LYST: variants seen among roughly 807,000 people sequenced by gnomAD.
The protein encoded by LYST is lysosomal-trafficking regulator.
LYST carries 192 observed loss-of-function variants against 413.6 expected under a neutral mutation model. The ratio of observed to expected loss-of-function variants is 0.46; its 90% CI spans 0.41 to 0.52. The LOEUF (loss-of-function observed/expected upper bound fraction) is 0.52, where lower values mean the gene tolerates loss of function less well. LYST is among the 20% of genes least tolerant of loss of function. LYST has a pLI of 0.00. For missense variants in LYST, 3,815 were observed against 4,499.9 expected (o/e 0.85, Z 4.35); for synonymous variants, 1,525 against 1,567.3 (o/e 0.97, Z 0.64).
chr1:235,807,871 AG>A (rs1673042380), intron 5 of LYST, among the ~76,000 whole-genome samples: 1 of 152,174 alleles, frequency 6.6e-6, no homozygotes, highest in African/African-American at 2.4e-5. Flanking sequence ...TAATCCCATT[AG>A]TGCCTCTGCC....
Position 235,802,995 on chromosome 1 carries a change from A to G in LYST, c.3625T>C (p.Cys1209Arg), listed in dbSNP as rs1336490854. The change falls in exon 8 of 53, where the codon TGT (cysteine) becomes CGT (arginine). Residue 1209 changes from cysteine to arginine, a missense_variant. Coordinates refer to ENST00000389793, the MANE Select transcript of LYST (RefSeq NM_000081.4). ...TCAACTAAAAGTTTAAAACTACAAC[A>G]CTGAGAATCCTCAGCTTCTTCTGAA... is the stretch of plus-strand genomic sequence containing the variant. The part of the protein sequence containing the change: ...DFSEEAEDSQ[C>R]CSFKLLVEEE... 6.2e-7 allele frequency: 1 copy of G among 1,613,166 alleles called. No homozygotes were observed. Among genetic ancestry groups the G allele is most frequent in the African/African-American group, 1.3e-5 (1 of 74,892 alleles).
upstream of LYST, among the ~76,000 whole-genome samples, chr1:235,871,353 G>A (rs1680914398): frequency 6.6e-6 from 1 of 152,222 alleles, no homozygotes; most frequent in African/African-American, 2.4e-5. Context: ...CAAACCTGCT[G>A]TGTTACATTC....
chr1:235,792,367 T>A (rs1459005076), intron 11 of LYST, among the ~76,000 whole-genome samples: 1 of 151,918 alleles, frequency 6.6e-6, no homozygotes, highest in Non-Finnish European at 1.5e-5. Flanking sequence ...CAGGCTGGAG[T>A]GCAGTTGCAC....
chr1:235,676,533 T>C (rs1274669588), intron 50 of LYST, among the ~76,000 whole-genome samples: 1 of 152,216 alleles, frequency 6.6e-6, no homozygotes, highest in Non-Finnish European at 1.5e-5. Context: ...AAAGTAACTG[T>C]GGAATGATCT....
chr1:235,665,560 C>T (rs1443491219), intron 50 of LYST, among the ~76,000 whole-genome samples: 4 of 137,108 alleles, frequency 2.9e-5, no homozygotes, highest in African/African-American at 5.5e-5. Context: ...TGCAGTGAGC[C>T]GAGATAGTGC....
intron 14 of LYST, among the ~76,000 whole-genome samples, chr1:235,786,509 G>T (rs934705913): frequency 6.6e-6 from 1 of 152,104 alleles, no homozygotes; most frequent in African/African-American, 2.4e-5. Context: ...CAAGGATCTG[G>T]AACTAGAAAT....
At chr1:235,853,737 C>T (rs1678832681) in intron 1 of LYST, among the ~76,000 whole-genome samples, 1 of 152,024 alleles carries the variant, frequency 6.6e-6, no homozygotes, top group Non-Finnish European at 1.5e-5. Context: ...TGGCTCCTTG[C>T]AGAACAAAGC....
At chr1:235,737,684 T>A (rs1039396755) in intron 31 of LYST, 2 of 156,292 alleles carry the variant, frequency 1.3e-5, no homozygotes, top group African/African-American at 4.8e-5. Context: ...TTAATTTTAA[T>A]ATCAAACTGA....
chr1:235,770,004 C>T (rs927194924), intron 20 of LYST, among the ~76,000 whole-genome samples, 156 bp downstream of exon 20: 2 of 151,504 alleles, frequency 1.3e-5, no homozygotes, highest in Non-Finnish European at 2.9e-5. Flanking sequence ...AGTTGAAAAA[C>T]TCCTGTACTA....
rs1662217033 is a variant in LYST, at chr1:235,709,258, G to T, written c.9976C>A (p.Leu3326Ile). 1 of 1,613,994 alleles carries T rather than the reference G, an allele frequency of 6.2e-7. No individual in the cohort carries two copies. Among genetic ancestry groups the T allele is most frequent in the South Asian group, 1.1e-5 (1 of 91,086 alleles). ...GGATCATTACGCGCCCAAGGGGGAAGGTTGACGTGATTAACCCGTTCACCA... is the reference window on the plus strand; with the variant it reads ...GGATCATTACGCGCCCAAGGGGGAATGTTGACGTGATTAACCCGTTCACCA... Reference protein sequence around the residue: ...QNGERVNHVNLPPWARNDPRL... With the variant: ...QNGERVNHVNIPPWARNDPRL... The change falls in exon 44 of 53, where the codon CTT becomes ATT. Residue 3326 changes from leucine (L) to isoleucine (I), a missense_variant. Leu to Ile is a conservative substitution (Grantham distance 5). Coordinates refer to ENST00000389793, the MANE Select transcript of LYST (RefSeq NM_000081.4).
In LYST at chr1:235,770,314, A is replaced by C; in HGVS notation, c.5785-17T>G. ...AACACCTTGCTGAAGAGATAAACAC[A>C]CACCAATAAGCACATACTTACTGAA... is the stretch of plus-strand genomic sequence containing the variant. On this transcript the variant is annotated splice_polypyrimidine_tract_variant and intron_variant, in intron 19 of 52. Transcript: ENST00000389793. The C allele has an allele frequency of 1.2e-6, 2 of 1,613,324 alleles. No homozygotes were observed. Among genetic ancestry groups the C allele is most frequent in the Non-Finnish European group, 1.7e-6 (2 of 1,179,442 alleles).
At chr1:235,692,098 T>G (rs996287774) in intron 47 of LYST, among the ~76,000 whole-genome samples, 4 of 149,600 alleles carry the variant, frequency 2.7e-5, no homozygotes, top group African/African-American at 9.8e-5. Flanking sequence ...TTTGGGAGGC[T>G]GAGGCGGGAG....
intron 48 of LYST, among the ~76,000 whole-genome samples, chr1:235,678,615 T>A (rs1287676820): frequency 6.6e-6 from 1 of 152,202 alleles, no homozygotes. Flanking sequence ...AATAAAGAGC[T>A]ATATACTGAC....
intron 1 of LYST, among the ~76,000 whole-genome samples, chr1:235,880,885 GGAGGCT>G (rs1295624377): frequency 6.6e-6 from 1 of 152,112 alleles, no homozygotes; most frequent in African/African-American, 2.4e-5. Flanking sequence ...CAGCACTTTG[GGAGGCT>G]GAGGTGGGTG....
At chr1:235,675,123 AG>A (rs1228821020) in intron 50 of LYST, among the ~76,000 whole-genome samples, 7 of 152,352 alleles carry the variant, frequency 4.6e-5, no homozygotes, top group Admixed American at 3.9e-4. Flanking sequence ...TAACATCAAA[AG>A]GGGGAAAAGT....
At chr1:235,775,194 G>A (rs1221170990) in intron 17 of LYST, 108 bp from the exon 18 acceptor site, 16 of 841,520 alleles carry the variant, frequency 1.9e-5, no homozygotes, top group Non-Finnish European at 3.1e-5. Flanking sequence ...TTTCTACAAA[G>A]TATTTTTTTA....
Position 235,830,277 on chromosome 1 carries a change from G to A in LYST, c.141C>T (p.Val47=), listed in dbSNP as rs1045405904. 2.6e-5 allele frequency: 42 copies of A among 1,613,830 alleles called. No homozygotes were observed. Among genetic ancestry groups the A allele is most frequent in the Non-Finnish European group, 3.4e-5 (40 of 1,179,932 alleles). Residue 47 remains valine (V), a synonymous_variant, in exon 3 of 53, where the codon GTC becomes GTT. Coordinates refer to ENST00000389793, the MANE Select transcript of LYST (RefSeq NM_000081.4). ...THMATLGQYL[V]HGRGFLLLTK... ...TAAGTAATAGAAATCCTCGACCATG[G>A]ACAAGGTACTGTCCAAGGGTTGCCA...
At chr1:235,691,806 C>T (rs1660678054) in intron 47 of LYST, among the ~76,000 whole-genome samples, 1 of 150,174 alleles carries the variant, frequency 6.7e-6, no homozygotes, top group Admixed American at 6.6e-5. Flanking sequence ...AAGTGATTCT[C>T]CTGCCTCAGC....
intron 20 of LYST, among the ~76,000 whole-genome samples, chr1:235,767,391 A>G (rs1380429984): frequency 6.6e-6 from 1 of 152,084 alleles, no homozygotes; most frequent in Non-Finnish European, 1.5e-5. Flanking sequence ...AGAAAACACA[A>G]AACTCCTTTG....
Sources: allele counts gnomAD v4.1 joint callset (sites outside exome capture counted in the v4.1 genomes callset), GRCh38; gene constraint gnomAD v4.1.1; transcripts MANE v1.5; gene names NCBI Gene and HGNC (gene_info 2026-07-23, HGNC 2026-07-21).